The following KSR2 variants were observed in gnomAD, a reference collection of about 807,000 sequenced individuals.
The protein encoded by KSR2 is kinase suppressor of ras 2.
Under a neutral mutation model 107.8 loss-of-function variants are expected in KSR2, and 25 were observed. That is an observed-to-expected ratio of 0.23 (90% CI 0.17 to 0.32). The LOEUF (loss-of-function observed/expected upper bound fraction) is 0.32, where lower values mean the gene tolerates loss of function less well. KSR2 is among the 10% of genes least tolerant of loss of function. The pLI, the probability that KSR2 is intolerant of heterozygous loss-of-function variation, is 1.00. For missense variants in KSR2, 887 were observed against 1,268.9 expected, an observed-to-expected ratio of 0.70 and a Z score of 4.57; for synonymous variants, 480 against 507.0, an observed-to-expected ratio of 0.95 and a Z score of 0.71.
At chr12:117,815,990 A>AGT (rs35013081) in intron 3 of KSR2, among the ~76,000 whole-genome samples, 10,875 of 113,010 alleles carry the variant, frequency 0.096, 410 homozygotes, top group Admixed American at 0.13. Context: ...AAAAAAATAA[A>AGT]GTGTGTGTGT....
At chr12:117,868,926 T>A (rs892578144) in intron 1 of KSR2, among the ~76,000 whole-genome samples, 11 of 152,028 alleles carry the variant, frequency 7.2e-5, no homozygotes, top group Middle Eastern at 3.4e-3. Context: ...AATTTTTGTA[T>A]TTTCAGTAGA....
intron 1 of KSR2, among the ~76,000 whole-genome samples, chr12:117,871,710 G>GCA (rs34346605): frequency 0.7 from 106,929 of 151,754 alleles, 38,050 homozygotes; most frequent in African/African-American, 0.79. Context: ...ATATATATTT[G>GCA]CACACAGAGA....
intron 2 of KSR2, among the ~76,000 whole-genome samples, chr12:117,856,388 T>C (rs567487296): frequency 6.6e-5 from 10 of 152,350 alleles, no homozygotes; most frequent in Admixed American, 2.6e-4. Flanking sequence ...TGTATGTATA[T>C]ATGAGTCTTC....
Position 117,551,717 on chromosome 12 carries a change from G to C in KSR2, c.1518+3452C>G, listed in dbSNP as rs563981465. On this transcript the variant is annotated intron_variant, in intron 9 of 19. Transcript: ENST00000339824. ...TATTGCACTAACCACATCATTGCCT[G>C]ACAAGAAGAATCTGTGTGAAGCCAG... Among the ~76,000 whole-genome samples, 7 of 152,328 alleles carry C rather than the reference G, an allele frequency of 4.6e-5. 1 individual carries two copies. Among genetic ancestry groups the C allele is most frequent in the African/African-American group, 1.7e-4 (7 of 41,582 alleles).
At chr12:117,968,013 G>A (rs989855394) in intron 1 of KSR2, 63 bp downstream of exon 1, 79 of 1,396,028 alleles carry the variant, frequency 5.7e-5, no homozygotes, top group Non-Finnish European at 7.3e-5. Context: ...GAGAAAGGAG[G>A]GGGAAAGAAG....
At chr12:117,786,432 G>C (rs114501045) in intron 3 of KSR2, among the ~76,000 whole-genome samples, 3,448 of 152,052 alleles carry the variant, frequency 0.023, 47 homozygotes, top group Admixed American at 0.031. Flanking sequence ...CACCACCCAA[G>C]TACTAAGCTT....
rs1462455085 is a variant in KSR2 at position 117,968,608 on chromosome 12, GAGA to G, written c.-356_-354del. 1.2e-5 allele frequency: 5 copies of G among 422,984 alleles called. No individual in the cohort carries two copies. Among genetic ancestry groups the G allele is most frequent in the Non-Finnish European group, 1.7e-5 (5 of 292,210 alleles). 26.2% of individuals were successfully genotyped at this position (422,984 alleles called of 1,614,324 possible). A position where few individuals can be genotyped will look rare whatever the true frequency, so the allele number is the denominator to read the frequency against. On this transcript the variant is annotated 5_prime_UTR_variant, in exon 1 of 20. Coordinates refer to ENST00000339824, the MANE Select transcript of KSR2 (RefSeq NM_173598.6). ...GGAGGAGGAGGAGGAAAAAGAAGAGGAGAAGGAGGAGAGAGAGGAGGAGGGAGA... is the reference window on the plus strand; with the variant it reads ...GGAGGAGGAGGAGGAAAAAGAAGAGGAGGAGGAGAGAGAGGAGGAGGGAGA...
At chr12:117,494,049 C>G (rs1034502258) in intron 14 of KSR2, among the ~76,000 whole-genome samples, 1 of 152,108 alleles carries the variant, frequency 6.6e-6, no homozygotes, top group Admixed American at 6.5e-5. Flanking sequence ...CTAATACGGG[C>G]AGGGACTGGG....
chr12:117,731,402 GTC>G (rs1887694672), intron 4 of KSR2, among the ~76,000 whole-genome samples: 1 of 140,054 alleles, frequency 7.1e-6, no homozygotes. Flanking sequence ...CAGCCGCCCC[GTC>G]CGGGAGGGAG....
chr12:117,495,989 G>A (rs1342466470), intron 14 of KSR2, among the ~76,000 whole-genome samples: 3 of 150,870 alleles, frequency 2.0e-5, no homozygotes, highest in Non-Finnish European at 4.4e-5. Flanking sequence ...GGAAGGCAGA[G>A]GTTGCAGTGA....
At position 117,476,549 on chromosome 12, in the gene KSR2, C is replaced by A; in HGVS notation, c.2497G>T (p.Ala833Ser). 2 of 1,611,200 alleles carry A rather than the reference C, an allele frequency of 1.2e-6. No individual in the cohort carries two copies. Among genetic ancestry groups the A allele is most frequent in the Non-Finnish European group, 1.7e-6 (2 of 1,178,868 alleles). Residue 833 changes from alanine (A) to serine (S), a missense_variant, in exon 17 of 20, where the codon GCA becomes TCA. Physicochemically the swap from Ala to Ser is moderately conservative, Grantham distance 99. Around this residue, in one of 8 missense-constraint regions of KSR2, gnomAD observed 308 missense variants for 506.2 expected, o/e 0.61. Coordinates refer to ENST00000339824, the MANE Select transcript of KSR2 (RefSeq NM_173598.6). The stretch of plus-strand genomic sequence containing the variant: ...GACAGCTGGCGGATGATCTCTGGTG[C>A]CAGGTGGCATAGCCAGCCATTCTGG... Reference protein sequence around the residue: ...RIQNGWLCHLAPEIIRQLSPD... With the variant: ...RIQNGWLCHLSPEIIRQLSPD...
At chr12:117,908,113 TTGAAA>T (rs1269647179) in intron 1 of KSR2, among the ~76,000 whole-genome samples, 2 of 152,220 alleles carry the variant, frequency 1.3e-5, no homozygotes, top group Non-Finnish European at 2.9e-5. Flanking sequence ...ATATTTCGTG[TTGAAA>T]TGAAAATGAT....
At chr12:117,518,772 G>C (rs1025928572) in intron 14 of KSR2, among the ~76,000 whole-genome samples, 6 of 152,146 alleles carry the variant, frequency 3.9e-5, no homozygotes, top group African/African-American at 1.4e-4. Context: ...ACCTACCCCA[G>C]GGCCTTTGCA....
chr12:117,954,057 T>C (rs1023538767), intron 1 of KSR2, among the ~76,000 whole-genome samples: 5 of 151,386 alleles, frequency 3.3e-5, no homozygotes, highest in Non-Finnish European at 7.4e-5. Context: ...GCCACTGCAC[T>C]CCAGCCTGAG....
intron 5 of KSR2, among the ~76,000 whole-genome samples, chr12:117,643,483 C>T: frequency 6.6e-6 from 1 of 152,074 alleles, no homozygotes; most frequent in East Asian, 1.9e-4. Flanking sequence ...ACAAAATAGC[C>T]ATTTATCATT....
chr12:117,504,138 C>T (rs1467043968), intron 14 of KSR2, among the ~76,000 whole-genome samples: 1 of 152,230 alleles, frequency 6.6e-6, no homozygotes, highest in Non-Finnish European at 1.5e-5. Flanking sequence ...GCTGTGACCT[C>T]ACCTCTCAAT....
intron 4 of KSR2, among the ~76,000 whole-genome samples, chr12:117,747,088 A>G (rs1375906671): frequency 6.6e-6 from 1 of 152,208 alleles, no homozygotes; most frequent in Non-Finnish European, 1.5e-5. Flanking sequence ...CTGGGTATAT[A>G]CCCAAAGGAT....
intron 3 of KSR2, among the ~76,000 whole-genome samples, chr12:117,794,289 TCA>T (rs140987124): frequency 0.011 from 143 of 13,528 alleles, 3 homozygotes; most frequent in African/African-American, 0.018. Flanking sequence ...CAACATGCAC[TCA>T]CACACCAACA....
intron 1 of KSR2, among the ~76,000 whole-genome samples, chr12:117,954,732 G>A (rs1896457239): frequency 6.6e-6 from 1 of 152,170 alleles, no homozygotes; most frequent in African/African-American, 2.4e-5. Flanking sequence ...TTAAGAATTT[G>A]TGGCCGGGCA....
Sources: gnomAD v4.1 joint callset for allele counts (sites outside exome capture counted in the v4.1 genomes callset) on GRCh38, gnomAD v4.1.1 for gene constraint, gnomAD v4.1.1 regional missense constraint, MANE v1.5 for transcripts, NCBI Gene and HGNC (gene_info 2026-07-23, HGNC 2026-07-21) for gene names.